Variants in LOXL4 observed in about 807,000 individuals in gnomAD.
The protein encoded by LOXL4 is lysyl oxidase homolog 4.
In LOXL4, 72 loss-of-function variants were observed where a neutral mutation model predicts 89.1. The ratio of observed to expected loss-of-function variants is 0.81; its 90% CI spans 0.67 to 0.98. LOXL4 has a LOEUF of 0.98. Ranked by LOEUF, LOXL4 falls within the 50% of genes least tolerant of loss-of-function variation. LOXL4 has a pLI of 0.00. For synonymous variants in LOXL4, 355 were observed against 392.1 expected, an observed-to-expected ratio of 0.91 and a Z score of 1.12; for missense variants, 984 against 1,017.5, an observed-to-expected ratio of 0.97 and a Z score of 0.45.
chr10:98,250,821 A>C (rs3750596), intron 14 of LOXL4, among the ~76,000 whole-genome samples: 1 of 152,022 alleles, frequency 6.6e-6, no homozygotes, highest in East Asian at 1.9e-4. Context: ...GTTTACAATC[A>C]AACAGCCTTA....
At chr10:98,260,198 C>T (rs1259815527) in intron 4 of LOXL4, among the ~76,000 whole-genome samples, 8 of 152,184 alleles carry the variant, frequency 5.3e-5, no homozygotes, top group Non-Finnish European at 8.8e-5. Flanking sequence ...TCTCCAGGTG[C>T]CCCACCCCAC....
intron 6 of LOXL4, 37 bp from the exon 7 acceptor site, chr10:98,258,201 G>C: frequency 6.3e-7 from 1 of 1,577,060 alleles, no homozygotes. Flanking sequence ...CGGCTGAGGA[G>C]GAGGCACCAG....
rs982967894 is a variant in LOXL4 at position 98,262,296 on chromosome 10, C to G, written c.278-83G>C. ...CTCCTGCATAGGACCCCACACTTACCAAGTCACCTCTTCCAAACCCTGGGA... is the reference window on the plus strand; with the variant it reads ...CTCCTGCATAGGACCCCACACTTACGAAGTCACCTCTTCCAAACCCTGGGA... On this transcript the variant is annotated intron_variant, in intron 2 of 14. Coordinates refer to ENST00000260702, the MANE Select transcript of LOXL4 (RefSeq NM_032211.7). 4.2e-6 allele frequency: 6 copies of G among 1,423,378 alleles called. No homozygotes were observed. The African/African-American group carries it at 7.1e-5, about 17-fold the overall frequency. 88.2% of individuals were successfully genotyped at this position (1,423,378 alleles called of 1,614,324 possible). A position where few individuals can be genotyped will look rare whatever the true frequency, so the allele number is the denominator to read the frequency against.
chr10:98,259,024 T>A lies in LOXL4; in HGVS notation c.906A>T (p.Lys302Asn), dbSNP rs1487059947. 5 of 1,551,810 alleles carry A rather than the reference T, an allele frequency of 3.2e-6. No individual in the cohort carries two copies. The highest frequency in any genetic ancestry group is 4.4e-6 in the Non-Finnish European group (5 of 1,146,930). ...FRPPKTKPQRKGSWAEEPRVR... is the reference protein window; with the variant it reads ...FRPPKTKPQRNGSWAEEPRVR... ...CAGGGCTCACCTCTGCCCAGGACCC[T>A]TTGCGTTGTGGCTTTGTCTTCGGTG... is the stretch of plus-strand genomic sequence containing the variant. The change falls in exon 6 of 15, where the codon AAA becomes AAT. Residue 302 changes from lysine (K) to asparagine (N), a missense_variant. Physicochemically the swap from Lys to Asn is moderately conservative, Grantham distance 94 (BLOSUM62 0). Transcript: ENST00000260702.
Position 98,255,723 on chromosome 10 carries a change from G to C in LOXL4, c.1445C>G (p.Ser482Trp), listed in dbSNP as rs536508740. ...CACCTCCTGGGCCCTTGGCGTCCCC[G>C]ACCAGAACCAGGTTTCCTAAGAAGA... ...IHAYKETWFWSGTPRAQEVVM... is the reference protein window; with the variant it reads ...IHAYKETWFWWGTPRAQEVVM... The change falls in exon 10 of 15, where the codon TCG (serine) becomes TGG (tryptophan). Residue 482 changes from serine to tryptophan, a missense_variant. Transcript: ENST00000260702. 13 of 1,611,148 alleles carry C rather than the reference G, an allele frequency of 8.1e-6. No homozygotes were observed. In the South Asian group the frequency reaches 1.3e-4, roughly 16 times the overall value.
In LOXL4 at chr10:98,257,760, C is replaced by T. The variant is rs779373310; in HGVS notation, c.1150G>A (p.Glu384Lys). Reference sequence around the variant, plus strand: ...GCAGGGCAGTCGCTGAGGGTCCGCTCATATCCCCTGCAGCGCACCTCACTC... The same window carrying T: ...GCAGGGCAGTCGCTGAGGGTCCGCTTATATCCCCTGCAGCGCACCTCACTC... ...HLSEVRCRGY[E>K]RTLSDCPALE... The change falls in exon 8 of 15, where the codon GAG (glutamate) becomes AAG (lysine). Residue 384 changes from glutamate to lysine, a missense_variant. Coordinates refer to ENST00000260702, the MANE Select transcript of LOXL4 (RefSeq NM_032211.7). 4 of 1,614,088 alleles carry T rather than the reference C, an allele frequency of 2.5e-6. No homozygotes were observed. Among genetic ancestry groups the T allele is most frequent in the Admixed American group, 1.7e-5 (1 of 60,008 alleles).
chr10:98,256,112 C>T, intron 9 of LOXL4: 1 of 214,146 alleles, frequency 4.7e-6, no homozygotes, highest in South Asian at 1.1e-4. Context: ...TCAGGGTTGC[C>T]CAGTCCACAC....
intron 14 of LOXL4, among the ~76,000 whole-genome samples, chr10:98,250,103 G>A (rs369659004): frequency 7.2e-5 from 11 of 152,300 alleles, no homozygotes; most frequent in East Asian, 5.8e-4. Flanking sequence ...AACTCAGGTC[G>A]TGATTTCCTC....
chr10:98,261,955 C>T, intron 3 of LOXL4, 80 bp downstream of exon 3: 1 of 1,420,758 alleles, frequency 7.0e-7, no homozygotes, highest in Admixed American at 2.5e-5. Context: ...CTCGCTTATC[C>T]TCTAGGCCCG....
chr10:98,260,990 G>C lies in LOXL4; in HGVS notation c.594C>G (p.Asn198Lys), dbSNP rs773171846. ...RQVCDQGWTM[N>K]NSRVVCGMLG... ...GCATCCCGCACACCACCCTGCTGTT[G>C]TTCATGGTCCAGCCCTGGTCACACA... The change falls in exon 4 of 15, where the codon AAC (asparagine) becomes AAG (lysine). Residue 198 changes from asparagine (N) to lysine (K), a missense_variant. Transcript: ENST00000260702. The C allele has an allele frequency of 1.9e-6, 3 of 1,613,882 alleles. No homozygotes were observed. The Admixed American group carries it at 5.0e-5, about 27-fold the overall frequency.
rs1858331391 is a variant in LOXL4, at chr10:98,255,482, T to G, written c.1591+95A>C. ...AGCTGGTACTTTCATTCCCCCATGC[T>G]GCTGGCCATAGACCTGGGACCAGCA... is the stretch of plus-strand genomic sequence containing the variant. On this transcript the variant is annotated intron_variant, in intron 10 of 14. Coordinates refer to ENST00000260702, the MANE Select transcript of LOXL4 (RefSeq NM_032211.7). 37 of 1,362,944 alleles carry G rather than the reference T, an allele frequency of 2.7e-5. No individual in the cohort carries two copies. The South Asian group carries it at 4.2e-4, about 16-fold the overall frequency. The allele number at this position is 1,362,944 out of a possible 1,614,324, so 84.4% of individuals were successfully genotyped here.
At position 98,258,083 on chromosome 10, in the gene LOXL4, C is replaced by T. The variant is rs750766938; in HGVS notation, c.1003G>A (p.Val335Ile). The change falls in exon 7 of 15, where the codon GTC (valine) becomes ATC (isoleucine). Residue 335 changes from valine (V) to isoleucine (I), a missense_variant. Transcript: ENST00000260702. The part of the protein sequence containing the change: ...EVLMNRQWGT[V>I]CDHRWNLISA... ...ATGAGGTTCCACCTGTGGTCACAGACCGTGCCCCACTGGCGGTTCATGAGC... is the reference window on the plus strand; with the variant it reads ...ATGAGGTTCCACCTGTGGTCACAGATCGTGCCCCACTGGCGGTTCATGAGC... The T allele has an allele frequency of 8.7e-6, 14 of 1,613,598 alleles. No homozygotes were observed. The highest frequency in any genetic ancestry group is 1.2e-5 in the Non-Finnish European group (14 of 1,180,044).
chr10:98,257,071 T>C (rs1165679487), intron 8 of LOXL4, 124 bp from the exon 9 acceptor site: 3 of 1,151,246 alleles, frequency 2.6e-6, no homozygotes, highest in Non-Finnish European at 3.6e-6. Context: ...TCCCCTTCTC[T>C]GCCTTGGTCT....
intron 1 of LOXL4, among the ~76,000 whole-genome samples, chr10:98,266,791 G>T (rs146649556): frequency 6.6e-6 from 1 of 152,034 alleles, no homozygotes; most frequent in East Asian, 1.9e-4. Context: ...ATCCCACAAG[G>T]CCAGCTCAAA....
chr10:98,260,348 G>T (rs188344755), intron 4 of LOXL4, among the ~76,000 whole-genome samples: 134 of 152,240 alleles, frequency 8.8e-4, no homozygotes, highest in African/African-American at 3.2e-3. Context: ...CCAGTCACTG[G>T]CTGAGCTGAG....
chr10:98,249,312 T>G (rs1348698858), intron 14 of LOXL4, among the ~76,000 whole-genome samples: 4 of 152,210 alleles, frequency 2.6e-5, no homozygotes, highest in Non-Finnish European at 5.9e-5. Context: ...TCCTTTGTCC[T>G]CTTTTTTTGT....
intron 1 of LOXL4, among the ~76,000 whole-genome samples, chr10:98,264,816 A>G (rs909332770): frequency 2.6e-5 from 4 of 151,992 alleles, no homozygotes; most frequent in Admixed American, 2.0e-4. Flanking sequence ...GATGGAGAAG[A>G]TGGGCTAAGA....
rs1217881772 is a variant in LOXL4 at position 98,258,009 on chromosome 10, C to A, written c.1077G>T (p.Glu359Asp). 3.1e-6 allele frequency: 5 copies of A among 1,613,904 alleles called. No individual in the cohort carries two copies. The highest frequency in any genetic ancestry group is 4.2e-6 in the Non-Finnish European group (5 of 1,180,028). Reference sequence around the variant, plus strand: ...GGCCCAGCCGGGCCCCAAAGAGGGCCTCCCGAGCAGAGCCAAAGCCCAGCT... The same window carrying A: ...GGCCCAGCCGGGCCCCAAAGAGGGCATCCCGAGCAGAGCCAAAGCCCAGCT... ...CRQLGFGSAR[E>D]ALFGARLGQG... Residue 359 changes from glutamate (E) to aspartate (D), a missense_variant, in exon 7 of 15, where the codon GAG becomes GAT. By Grantham distance (45) the Glu-to-Asp change is conservative (BLOSUM62 2). Transcript: ENST00000260702.
chr10:98,259,314 G>A lies in LOXL4; in HGVS notation c.701+77C>T, dbSNP rs532974559. The A allele has an allele frequency of 7.8e-5, 123 of 1,576,264 alleles. No individual in the cohort carries two copies. The Middle Eastern group carries it at 1.3e-3, about 17-fold the overall frequency. On this transcript the variant is annotated intron_variant, in intron 5 of 14. Transcript: ENST00000260702. ...GGAGGCCAAGGTAGAAAGGAGGGAAGGGGAGGGTAGGGGATGGGATAGAGG... is the reference window on the plus strand; with the variant it reads ...GGAGGCCAAGGTAGAAAGGAGGGAAAGGGAGGGTAGGGGATGGGATAGAGG...
Sources: gnomAD v4.1 joint callset for allele counts (sites outside exome capture counted in the v4.1 genomes callset) on GRCh38, gnomAD v4.1.1 for gene constraint, MANE v1.5 for transcripts, NCBI Gene and HGNC (gene_info 2026-07-23, HGNC 2026-07-21) for gene names.